The following TRAK1 variants were observed in gnomAD, a reference collection of about 807,000 sequenced individuals.
The protein encoded by TRAK1 is trafficking kinesin protein 1.
A neutral mutation model predicts 92.1 loss-of-function variants in TRAK1; 33 were observed. The ratio of observed to expected loss-of-function variants is 0.36; its 90% CI spans 0.27 to 0.48. TRAK1 has a LOEUF of 0.48. Among genes scored for constraint, TRAK1 ranks in the 20% least tolerant of loss-of-function variants. The pLI, the probability that TRAK1 is intolerant of heterozygous loss-of-function variation, is 0.99. For missense variants in TRAK1, 1,123 were observed against 1,257.9 expected (o/e 0.89, Z 1.62); for synonymous variants, 521 against 517.3 (o/e 1.01, Z -0.10).
chr3:42,202,819 T>A lies in TRAK1; in HGVS notation c.1744+67T>A. 1 of 1,590,750 alleles carries A rather than the reference T, an allele frequency of 6.3e-7. No individual in the cohort carries two copies. Among genetic ancestry groups the A allele is most frequent in the Non-Finnish European group, 8.6e-7 (1 of 1,164,498 alleles). ...GACTCCCTTTGGTCCCTGATCCACC[T>A]GCGGAAGGCGGGGCACCTCTGTCAC... On this transcript the variant is annotated intron_variant, in intron 13 of 15. Transcript: ENST00000327628. This position sits in a 1 kb window ranked among gnomAD's most constrained non-coding sequence, Gnocchi z 6.1.
intron 1 of TRAK1, among the ~76,000 whole-genome samples, chr3:42,072,572 C>G: frequency 8.2e-6 from 1 of 122,624 alleles, no homozygotes; most frequent in East Asian, 2.3e-4. Context: ...TTTTCTTTCT[C>G]TTTTTCTTCC....
At chr3:42,147,029 C>T (rs78755683) in intron 2 of TRAK1, among the ~76,000 whole-genome samples, 2,903 of 152,158 alleles carry the variant, frequency 0.019, 58 homozygotes, top group Non-Finnish European at 0.026. Context: ...CAGAAAACCT[C>T]GGGACACCGG....
At chr3:42,177,745 G>A (rs1703403724) in intron 3 of TRAK1, among the ~76,000 whole-genome samples, 1 of 152,182 alleles carries the variant, frequency 6.6e-6, no homozygotes, top group Admixed American at 6.6e-5. Context: ...TTTCTGGAGT[G>A]TGTGGCATTC....
chr3:42,165,418 A>G (rs746754615), intron 2 of TRAK1, among the ~76,000 whole-genome samples: 43 of 152,310 alleles, frequency 2.8e-4, no homozygotes, highest in Non-Finnish European at 5.1e-4. Flanking sequence ...TGGCTGTTCA[A>G]ATTCTCCATC....
intron 2 of TRAK1, among the ~76,000 whole-genome samples, chr3:42,142,472 G>A (rs921969580): frequency 6.6e-6 from 1 of 152,192 alleles, no homozygotes; most frequent in Admixed American, 6.5e-5. Context: ...TGGCCAATCC[G>A]TCACCTTACA....
In TRAK1 at chr3:42,176,811, C is replaced by A; in HGVS notation, c.287-3C>A. 6.2e-7 allele frequency: 1 copy of A among 1,612,970 alleles called. No individual in the cohort carries two copies. The highest frequency in any genetic ancestry group is 8.5e-7 in the Non-Finnish European group (1 of 1,179,240). On this transcript the variant is annotated splice_region_variant and splice_polypyrimidine_tract_variant and intron_variant, in intron 2 of 15. Transcript: ENST00000327628. ...GTCTCATTGTCATTTTTATTTCTTA[C>A]AGTTTTATGTGCTGAAAGAGTTGGC...
At chr3:42,047,953 G>A (rs1576175836) in intron 1 of TRAK1, among the ~76,000 whole-genome samples, 2 of 126,224 alleles carry the variant, frequency 1.6e-5, no homozygotes, top group Admixed American at 1.8e-4. Context: ...AAAATCACAT[G>A]CACAAAGCCA....
At position 42,205,839 on chromosome 3, in the gene TRAK1, G is replaced by A. The variant is rs560784610; in HGVS notation, c.1744+3087G>A. On this transcript the variant is annotated intron_variant, in intron 13 of 15. Transcript: ENST00000327628. The stretch of plus-strand genomic sequence containing the variant: ...GGAAGGAAAGCAGAGGGGGAAGGAC[G>A]CAATGACCATAGTCATGTTTTCCCC... Among the ~76,000 whole-genome samples the A allele has an allele frequency of 5.7e-4, 87 of 152,336 alleles. 1 individual carries two copies. Among genetic ancestry groups the A allele is most frequent in the African/African-American group, 2.0e-3 (84 of 41,584 alleles).
At chr3:42,124,991 G>A (rs977769298) in intron 1 of TRAK1, among the ~76,000 whole-genome samples, 1 of 152,206 alleles carries the variant, frequency 6.6e-6, no homozygotes, top group African/African-American at 2.4e-5. Flanking sequence ...TAAATTAAAT[G>A]AAGGCAAAAT....
At chr3:42,089,407 A>G (rs528622240), upstream of TRAK1, among the ~76,000 whole-genome samples, 151 of 152,142 alleles carry the variant, frequency 9.9e-4, 2 homozygotes, top group African/African-American at 3.5e-3. Flanking sequence ...TTTTAATACA[A>G]TCAGATGGTT....
At chr3:42,054,328 C>T (rs1232459291) in intron 1 of TRAK1, among the ~76,000 whole-genome samples, 1 of 152,200 alleles carries the variant, frequency 6.6e-6, no homozygotes, top group Non-Finnish European at 1.5e-5. Flanking sequence ...TGCTGTCCTT[C>T]CTCATCTGGT....
chr3:42,093,584 T>A (rs1705404557), intron 1 of TRAK1, among the ~76,000 whole-genome samples: 1 of 151,132 alleles, frequency 6.6e-6, no homozygotes, highest in African/African-American at 2.4e-5. Flanking sequence ...GTTCTGCACT[T>A]GAAACAAATT....
intron 1 of TRAK1, among the ~76,000 whole-genome samples, chr3:42,105,046 G>A (rs1056614349): frequency 6.6e-6 from 1 of 151,334 alleles, no homozygotes; most frequent in Non-Finnish European, 1.5e-5. Flanking sequence ...CTGCCTCCTG[G>A]CTTCAAGTGA....
In TRAK1 at chr3:42,177,871, C is replaced by G. The variant is rs570114931; in HGVS notation, c.363+981C>G. Among the ~76,000 whole-genome samples, 3 of 152,296 alleles carry G rather than the reference C, an allele frequency of 2.0e-5. No individual in the cohort carries two copies. The East Asian group carries it at 5.8e-4, about 29-fold the overall frequency. On this transcript the variant is annotated intron_variant, in intron 3 of 15. Coordinates refer to ENST00000327628, the MANE Select transcript of TRAK1 (RefSeq NM_001042646.3). ...TCCTCTGACGTGGGGAAGTCACAAA[C>G]TCATCAGCTCCCCAGAAGTGATGTC...
chr3:42,067,101 T>A (rs1033652381), intron 1 of TRAK1, among the ~76,000 whole-genome samples: 1 of 152,238 alleles, frequency 6.6e-6, no homozygotes, highest in Non-Finnish European at 1.5e-5. Flanking sequence ...TGTTAGTGCT[T>A]CGTAGAGAAT....
chr3:42,194,635 A>C (rs111691805), intron 9 of TRAK1, among the ~76,000 whole-genome samples, 169 bp from the exon 10 acceptor site: 3,018 of 152,346 alleles, frequency 0.02, 55 homozygotes, highest in Middle Eastern at 0.048. Flanking sequence ...TCAAAGAAAA[A>C]GCAAGCCTTT....
At chr3:42,025,928 A>G (rs1175752642) in intron 1 of TRAK1, among the ~76,000 whole-genome samples, 1 of 152,218 alleles carries the variant, frequency 6.6e-6, no homozygotes, top group Non-Finnish European at 1.5e-5. Flanking sequence ...TAGCTTTTCC[A>G]TGAAATGCAT....
At chr3:42,142,533 T>C (rs1442738234) in intron 2 of TRAK1, among the ~76,000 whole-genome samples, 1 of 152,228 alleles carries the variant, frequency 6.6e-6, no homozygotes, top group Non-Finnish European at 1.5e-5. Flanking sequence ...GCCCACAGCA[T>C]CAGACCTTTC....
intron 14 of TRAK1, chr3:42,217,674 T>A: frequency 1.0e-6 from 1 of 985,428 alleles, no homozygotes; most frequent in Non-Finnish European, 1.2e-6. Flanking sequence ...AAATGTTATC[T>A]CTCTTTCAAC....
Sources: allele counts gnomAD v4.1 joint callset (sites outside exome capture counted in the v4.1 genomes callset), GRCh38; gene constraint gnomAD v4.1.1; non-coding constraint Gnocchi (gnomAD v3.1); transcripts MANE v1.5; gene names NCBI Gene and HGNC (gene_info 2026-07-23, HGNC 2026-07-21).